ZNF3: variants seen among roughly 807,000 people sequenced by gnomAD.
The protein encoded by ZNF3 is C2-H2 type zinc finger protein.
ZNF3 carries 16 observed loss-of-function variants against 36.9 expected under a neutral mutation model. The ratio of observed to expected loss-of-function variants is 0.43; its 90% CI spans 0.29 to 0.66. The LOEUF (loss-of-function observed/expected upper bound fraction) is 0.66, where lower values mean the gene tolerates loss of function less well. ZNF3 is among the 30% of genes least tolerant of loss of function. ZNF3 has a pLI of 0.13. For missense variants in ZNF3, 462 were observed against 543.1 expected, an observed-to-expected ratio of 0.85 and a Z score of 1.48; for synonymous variants, 201 against 201.9, an observed-to-expected ratio of 1.00 and a Z score of 0.04.
rs144370352 is a variant in ZNF3 at position 100,076,227 on chromosome 7, A to G, written c.56-597T>C. On this transcript the variant is annotated intron_variant, in intron 3 of 5. Coordinates refer to ENST00000299667, the MANE Select transcript of ZNF3 (RefSeq NM_032924.5). ...CACAGCTCCTTTCTCTCCACCCCAG[A>G]TCAAATCTGTACACTAAAAATGTTC... is the stretch of plus-strand genomic sequence containing the variant. 7.5e-3 allele frequency among the ~76,000 whole-genome samples: 1,144 copies of G among 151,984 alleles called. 19 individuals carry two copies. The highest frequency in any genetic ancestry group is 7.0e-3 in the Non-Finnish European group (474 of 67,980).
downstream of ZNF3, among the ~76,000 whole-genome samples, chr7:100,069,573 A>T (rs1792832951): frequency 6.9e-6 from 1 of 144,774 alleles, no homozygotes; most frequent in African/African-American, 2.6e-5. Context: ...AAAAAAAAAA[A>T]TTAAGTCAAC....
At chr7:100,076,138 T>C (rs1438759172) in intron 3 of ZNF3, among the ~76,000 whole-genome samples, 1 of 150,596 alleles carries the variant, frequency 6.6e-6, no homozygotes, top group Non-Finnish European at 1.5e-5. Context: ...GCACCCAGCA[T>C]GAAGTTCTTA....
chr7:100,065,433 AAAAAT>A (rs1212720516), downstream of ZNF3, among the ~76,000 whole-genome samples: 28 of 152,166 alleles, frequency 1.8e-4, no homozygotes, highest in Non-Finnish European at 2.6e-4. Flanking sequence ...CAAAAAAAAA[AAAAAT>A]AAAGCGAATG....
chr7:100,080,899 C>T (rs1794897607), intron 1 of ZNF3, among the ~76,000 whole-genome samples: 1 of 152,258 alleles, frequency 6.6e-6, no homozygotes, highest in Admixed American at 6.5e-5. Flanking sequence ...GATGCCCACT[C>T]TCCACAGATG....
At chr7:100,076,333 C>A (rs1428913352) in intron 3 of ZNF3, among the ~76,000 whole-genome samples, 1 of 151,786 alleles carries the variant, frequency 6.6e-6, no homozygotes, top group South Asian at 2.1e-4. Context: ...CACTCTGTCA[C>A]CCAGGCTGGA....
intron 5 of ZNF3, 125 bp from the exon 6 acceptor site, chr7:100,072,337 C>G: frequency 3.4e-6 from 3 of 887,674 alleles, no homozygotes; most frequent in South Asian, 1.8e-5. Flanking sequence ...GAGGCCTGCC[C>G]CACATGTGTG....
In ZNF3 at chr7:100,072,577, G is replaced by C. The variant is rs116443489; in HGVS notation, c.272-365C>G. 8.0e-3 allele frequency among the ~76,000 whole-genome samples: 1,212 copies of C among 152,306 alleles called. 15 individuals carry two copies. The highest frequency in any genetic ancestry group is 0.028 in the African/African-American group (1,147 of 41,560). On this transcript the variant is annotated intron_variant, in intron 5 of 5. Coordinates refer to ENST00000299667, the MANE Select transcript of ZNF3 (RefSeq NM_032924.5). ...GGCAGTGGATATAACTGGGGACACA[G>C]TGACTGCAAGAAGGGAGAGCAAGTA...
chr7:100,070,682 C>T lies in ZNF3; in HGVS notation c.*461G>A, dbSNP rs1402490621. On this transcript the variant is annotated 3_prime_UTR_variant, in exon 6 of 6. Transcript: ENST00000299667. ...TGAAACAAAACAGCATGTTTCTTAC[C>T]GAAACTTAAAGCTGGACTAGGAACA... is the stretch of plus-strand genomic sequence containing the variant. 17 of 991,796 alleles carry T rather than the reference C, an allele frequency of 1.7e-5. No individual in the cohort carries two copies. In the South Asian group the frequency reaches 3.2e-4, roughly 19 times the overall value. 61.4% of individuals were successfully genotyped at this position (991,796 alleles called of 1,614,324 possible). A position where few individuals can be genotyped will look rare whatever the true frequency, so the allele number is the denominator to read the frequency against.
At chr7:100,077,274 A>G in intron 3 of ZNF3, 29 bp downstream of exon 3, 12 of 1,613,646 alleles carry the variant, frequency 7.4e-6, no homozygotes, top group Admixed American at 1.7e-5. Context: ...ATGACTGAGT[A>G]AAAGAATGAA....
chr7:100,070,873 G>A lies in ZNF3; in HGVS notation c.*270C>T, dbSNP rs1277660225. Reference sequence around the variant, plus strand: ...CACCTTGGAAAGGTTCCTCTGCTGTGAGAAAAACAGTTTAGTGCAAACTCC... The same window carrying A: ...CACCTTGGAAAGGTTCCTCTGCTGTAAGAAAAACAGTTTAGTGCAAACTCC... On this transcript the variant is annotated 3_prime_UTR_variant, in exon 6 of 6. Coordinates refer to ENST00000299667, the MANE Select transcript of ZNF3 (RefSeq NM_032924.5). 1 of 1,221,790 alleles carries A rather than the reference G, an allele frequency of 8.2e-7. No individual in the cohort carries two copies. The highest frequency in any genetic ancestry group is 1.0e-6 in the Non-Finnish European group (1 of 978,648). The allele number at this position is 1,221,790 out of a possible 1,614,324, so 75.7% of individuals were successfully genotyped here. A position where few individuals can be genotyped will look rare whatever the true frequency, so the allele number is the denominator to read the frequency against.
rs1347747680 is a variant in ZNF3 at position 100,075,299 on chromosome 7, G to C, written c.145-38C>G. ...GTGCTGGCATGCAATTTCAGGGTGA[G>C]GAATGTGAATGGCGGCACCAAAAAA... is the stretch of plus-strand genomic sequence containing the variant. On this transcript the variant is annotated intron_variant, in intron 4 of 5. Coordinates refer to ENST00000299667, the MANE Select transcript of ZNF3 (RefSeq NM_032924.5). 6 of 1,613,574 alleles carry C rather than the reference G, an allele frequency of 3.7e-6. 1 individual carries two copies. The Admixed American group carries it at 5.0e-5, about 13-fold the overall frequency.
chr7:100,070,940 C>G lies in ZNF3; in HGVS notation c.*203G>C. 1.5e-6 allele frequency: 2 copies of G among 1,366,800 alleles called. No individual in the cohort carries two copies. Among genetic ancestry groups the G allele is most frequent in the East Asian group, 2.7e-5 (1 of 37,244 alleles). 84.7% of individuals were successfully genotyped at this position (1,366,800 alleles called of 1,614,324 possible). The stretch of plus-strand genomic sequence containing the variant: ...ACTGGTCCCAGAGCTGCTTTCTATT[C>G]CCAGCACGCCATCCACTTGCCTTGA... On this transcript the variant is annotated 3_prime_UTR_variant, in exon 6 of 6. Transcript: ENST00000299667.
At position 100,077,409 on chromosome 7, in the gene ZNF3, G is replaced by C. The variant is rs550560555; in HGVS notation, c.-52C>G. ...CTGGGTGCAGACTCAGCGGGAAGCG[G>C]GTTTTAAAAGAGAATGAGGAAGCAC... On this transcript the variant is annotated 5_prime_UTR_variant, in exon 3 of 6. Transcript: ENST00000299667. The C allele has an allele frequency of 7.4e-6, 12 of 1,612,784 alleles. No homozygotes were observed. The Admixed American group carries it at 1.5e-4, about 20-fold the overall frequency.
intron 5 of ZNF3, among the ~76,000 whole-genome samples, chr7:100,074,741 A>G (rs542778951): frequency 1.1e-4 from 17 of 152,194 alleles, no homozygotes; most frequent in Non-Finnish European, 2.1e-4. Flanking sequence ...GACTAAGTCA[A>G]TCCTTACCTA....
In ZNF3 at chr7:100,072,128, T is replaced by C. The variant is rs748144707; in HGVS notation, c.356A>G (p.Asp119Gly). 6.2e-7 allele frequency: 1 copy of C among 1,613,886 alleles called. No individual in the cohort carries two copies. The highest frequency in any genetic ancestry group is 8.5e-7 in the Non-Finnish European group (1 of 1,179,964). ...TTTAAACTTGAGACCCTGAGAAATA[T>C]CCTTTTGAAATCTTCCCAGTAGGAC... ...HGVLLGRFQKDISQGLKFKEA... is the reference protein window; with the variant it reads ...HGVLLGRFQKGISQGLKFKEA... The change falls in exon 6 of 6, where the codon GAT becomes GGT. Residue 119 changes from aspartate to glycine, a missense_variant. By Grantham distance (94) the Asp-to-Gly change is moderately conservative. Transcript: ENST00000299667.
At chr7:100,064,547 AG>A in exon 6 of ZNF3, 2 of 1,614,236 alleles carry the variant, frequency 1.2e-6, no homozygotes, top group Non-Finnish European at 1.7e-6. Context: ...CACTGTGGAA[AG>A]ACCTTCTGTA....
chr7:100,079,398 ACT>A (rs1794640291), intron 2 of ZNF3, 136 bp downstream of exon 2: 2 of 152,162 alleles, frequency 1.3e-5, no homozygotes, highest in East Asian at 3.9e-4. Context: ...CAGAAAGAAA[ACT>A]CTCCATTGTG....
rs148900265 is a variant in ZNF3, at chr7:100,072,772, G to A, written c.272-560C>T. Among the ~76,000 whole-genome samples the A allele has an allele frequency of 1.3e-3, 197 of 152,308 alleles. 1 individual carries two copies. Among genetic ancestry groups the A allele is most frequent in the African/African-American group, 4.4e-3 (183 of 41,566 alleles). ...TGGAAACGGCAAGACAACTGAGTCC[G>A]CCTCTGGGCCCTATGCATAAAAGGC... On this transcript the variant is annotated intron_variant, in intron 5 of 5. Coordinates refer to ENST00000299667, the MANE Select transcript of ZNF3 (RefSeq NM_032924.5).
At position 100,081,692 on chromosome 7, in the gene ZNF3, C is replaced by T. The variant is rs1440516209; in HGVS notation, c.-255G>A. 1 of 152,378 alleles carries T rather than the reference C, an allele frequency of 6.6e-6. No individual in the cohort carries two copies. Among genetic ancestry groups the T allele is most frequent in the Non-Finnish European group, 1.5e-5 (1 of 68,154 alleles). The allele number at this position is 152,378 out of a possible 1,614,324, so 9.4% of individuals were successfully genotyped here. A position where few individuals can be genotyped will look rare whatever the true frequency, so the allele number is the denominator to read the frequency against. On this transcript the variant is annotated 5_prime_UTR_variant, in exon 1 of 6. Transcript: ENST00000299667. The surrounding 1 kb of genome is among the most constrained non-coding windows in gnomAD (Gnocchi z 4.3). Reference sequence around the variant, plus strand: ...GGACACGGACCAGGCCCTGTTGGACCCTGTCACAGACCCACACACCGGGGA... The same window carrying T: ...GGACACGGACCAGGCCCTGTTGGACTCTGTCACAGACCCACACACCGGGGA...
Sources: allele counts gnomAD v4.1 joint callset (sites outside exome capture counted in the v4.1 genomes callset), GRCh38; gene constraint gnomAD v4.1.1; non-coding constraint Gnocchi (gnomAD v3.1); transcripts MANE v1.5; gene names NCBI Gene and HGNC (gene_info 2026-07-23, HGNC 2026-07-21).